The following KIAA1549 variants were observed in gnomAD, a reference collection of about 807,000 sequenced individuals.
The protein encoded by KIAA1549 is UPF0606 protein KIAA1549.
In KIAA1549, 70 loss-of-function variants were observed where a neutral mutation model predicts 156.4. That is an observed-to-expected ratio of 0.45 (90% confidence interval 0.37 to 0.55). The LOEUF is 0.55. Among genes scored for constraint, KIAA1549 ranks in the 20% least tolerant of loss-of-function variants. The pLI is 0.00. For synonymous variants in KIAA1549, 1,103 were observed against 1,066.4 expected, an observed-to-expected ratio of 1.03 and a Z score of -0.67; for missense variants, 2,428 against 2,540.9, an observed-to-expected ratio of 0.96 and a Z score of 0.96.
At chr7:138,920,862 A>G (rs1022196274) in intron 1 of KIAA1549, among the ~76,000 whole-genome samples, 2 of 152,240 alleles carry the variant, frequency 1.3e-5, no homozygotes, top group African/African-American at 4.8e-5. Flanking sequence ...TTCTGTTTCT[A>G]GCAACATGGC....
intron 14 of KIAA1549, 94 bp downstream of exon 14, chr7:138,869,444 C>A (rs1025777418): frequency 7.3e-6 from 7 of 955,964 alleles, no homozygotes; most frequent in East Asian, 5.3e-5. Context: ...TGTCACAGGC[C>A]CTGCAGTAGC....
chr7:138,933,404 A>G (rs1261757234), intron 1 of KIAA1549, among the ~76,000 whole-genome samples: 2 of 152,238 alleles, frequency 1.3e-5, no homozygotes. Flanking sequence ...AAGGTCATAA[A>G]AGGCAAGAAA....
intron 16 of KIAA1549, among the ~76,000 whole-genome samples, chr7:138,860,884 C>T (rs1428238073): frequency 6.6e-6 from 1 of 152,222 alleles, no homozygotes; most frequent in Non-Finnish European, 1.5e-5. Flanking sequence ...CTCCGTTCCT[C>T]CACAAAGCAA....
In KIAA1549 at chr7:138,838,042, G is replaced by T. The variant is rs199760888; in HGVS notation, c.5717C>A (p.Pro1906His). The change falls in exon 20 of 20, where the codon CCT becomes CAT. Residue 1906 changes from proline to histidine, a missense_variant. This residue lies in a region of KIAA1549 where 363 missense variants were observed against 354.0 expected (regional missense o/e 1.03). Coordinates refer to ENST00000422774, the MANE Select transcript of KIAA1549 (RefSeq NM_001164665.2). ...GNLPHRGLQG[P>H]GLGYPTSSTE... is the part of the protein sequence containing the mutation. ...GGAGCTGGTGGGGTAACCCAGCCCAGGGCCCTGCAGTCCCCGGTGGGGGAG... is the reference window on the plus strand; with the variant it reads ...GGAGCTGGTGGGGTAACCCAGCCCATGGCCCTGCAGTCCCCGGTGGGGGAG... 1 of 1,604,140 alleles carries T rather than the reference G, an allele frequency of 6.2e-7. No individual in the cohort carries two copies. Among genetic ancestry groups the T allele is most frequent in the Non-Finnish European group, 8.5e-7 (1 of 1,175,652 alleles).
At chr7:138,840,486 G>A (rs1355003859) in intron 18 of KIAA1549, among the ~76,000 whole-genome samples, 3 of 151,998 alleles carry the variant, frequency 2.0e-5, no homozygotes, top group African/African-American at 7.2e-5. Context: ...GTAAGGAAAT[G>A]CACCACGAAG....
intron 16 of KIAA1549, among the ~76,000 whole-genome samples, chr7:138,855,756 T>C (rs1195663001): frequency 2.0e-5 from 3 of 152,170 alleles, no homozygotes; most frequent in Admixed American, 6.5e-5. Context: ...TAAGAAATAA[T>C]TCCTGTGTCC....
At chr7:138,884,909 T>C (rs1305558574) in intron 10 of KIAA1549, among the ~76,000 whole-genome samples, 1 of 152,218 alleles carries the variant, frequency 6.6e-6, no homozygotes, top group Non-Finnish European at 1.5e-5. Context: ...AATGTTTATG[T>C]GGAGGGCCGG....
chr7:138,924,182 CTTTTT>C (rs1233229501), intron 1 of KIAA1549, among the ~76,000 whole-genome samples: 1 of 92,356 alleles, frequency 1.1e-5, no homozygotes, highest in Non-Finnish European at 2.1e-5. Context: ...CTTTTCTTTT[CTTTTT>C]TTTTTTTCTT....
intron 1 of KIAA1549, among the ~76,000 whole-genome samples, chr7:138,922,669 G>T (rs1812596996): frequency 6.6e-6 from 1 of 151,772 alleles, no homozygotes; most frequent in Admixed American, 6.6e-5. Flanking sequence ...CAGCAATTTA[G>T]ACAGAGCTGA....
chr7:138,850,197 G>T (rs1181778781), intron 17 of KIAA1549, among the ~76,000 whole-genome samples: 1 of 152,044 alleles, frequency 6.6e-6, no homozygotes, highest in Non-Finnish European at 1.5e-5. Context: ...GTGACAGTCT[G>T]GTCTGTGCTG....
rs2130308953 is a variant in KIAA1549, at chr7:138,833,539, G to T, written c.*4367C>A. ...ACAGTCCGCATGCCAGGAAAGATCT[G>T]GCCGGCAAACACCCACTGCTTAAAA... On this transcript the variant is annotated 3_prime_UTR_variant, in exon 20 of 20. Coordinates refer to ENST00000422774, the MANE Select transcript of KIAA1549 (RefSeq NM_001164665.2). 4.3e-6 allele frequency: 1 copy of T among 232,640 alleles called. No individual in the cohort carries two copies. Among genetic ancestry groups the T allele is most frequent in the African/African-American group, 2.2e-5 (1 of 45,412 alleles). 14.4% of individuals were successfully genotyped at this position (232,640 alleles called of 1,614,324 possible).
At position 138,949,031 on chromosome 7, in the gene KIAA1549, A is replaced by G. The variant is rs370999633; in HGVS notation, c.188-29593T>C. ...GGGTTTATACCGTTTTTACGGGGTCATGAGGTTGACAAGGAGCTCATACTA... is the reference window on the plus strand; with the variant it reads ...GGGTTTATACCGTTTTTACGGGGTCGTGAGGTTGACAAGGAGCTCATACTA... On this transcript the variant is annotated intron_variant, in intron 1 of 19. Transcript: ENST00000422774. 1.0e-3 allele frequency among the ~76,000 whole-genome samples: 156 copies of G among 152,274 alleles called. 4 individuals carry two copies. In the South Asian group the frequency reaches 0.031, roughly 30 times the overall value.
chr7:138,947,824 A>G (rs908376615), intron 1 of KIAA1549, among the ~76,000 whole-genome samples: 2 of 151,770 alleles, frequency 1.3e-5, no homozygotes, highest in African/African-American at 4.8e-5. Flanking sequence ...GTACAGTGGC[A>G]CCATCTCGGC....
In KIAA1549 at chr7:138,914,292, G is replaced by C. The variant is rs116404981; in HGVS notation, c.2879-1832C>G. ...TTAGGATATGAGGACACCAGTCTTT[G>C]GGAAAAGGGATCATCAGCAAACAAA... On this transcript the variant is annotated intron_variant, in intron 2 of 19. Coordinates refer to ENST00000422774, the MANE Select transcript of KIAA1549 (RefSeq NM_001164665.2). Among the ~76,000 whole-genome samples the C allele has an allele frequency of 4.7e-3, 722 of 152,258 alleles. 10 individuals carry two copies. Among genetic ancestry groups the C allele is most frequent in the African/African-American group, 0.017 (703 of 41,532 alleles).
intron 16 of KIAA1549, among the ~76,000 whole-genome samples, chr7:138,859,244 T>G (rs531742161): frequency 6.6e-6 from 1 of 152,198 alleles, no homozygotes; most frequent in South Asian, 2.1e-4. Flanking sequence ...AGGGAGCAGT[T>G]CTATTGAATC....
At chr7:138,878,427 A>AT (rs1811148691) in intron 12 of KIAA1549, among the ~76,000 whole-genome samples, 1 of 152,248 alleles carries the variant, frequency 6.6e-6, no homozygotes, top group Non-Finnish European at 1.5e-5. Context: ...ATACAGAGAA[A>AT]TTTATGATTA....
intron 1 of KIAA1549, among the ~76,000 whole-genome samples, chr7:138,920,742 A>T (rs1011840250): frequency 2.6e-5 from 4 of 152,236 alleles, no homozygotes; most frequent in Non-Finnish European, 5.9e-5. Flanking sequence ...ATCAAAATGC[A>T]TAACAACACC....
chr7:138,958,892 T>C (rs1180095112), intron 1 of KIAA1549, among the ~76,000 whole-genome samples: 1 of 151,968 alleles, frequency 6.6e-6, no homozygotes, highest in Non-Finnish European at 1.5e-5. Context: ...GTTTTTTTTT[T>C]GTTTTGTTTA....
chr7:138,889,740 C>T (rs1022895175), intron 10 of KIAA1549, among the ~76,000 whole-genome samples: 9 of 152,202 alleles, frequency 5.9e-5, no homozygotes, highest in Non-Finnish European at 8.8e-5. Flanking sequence ...CTGAGTGAGT[C>T]ATCACCTTCT....
Sources: allele counts gnomAD v4.1 joint callset (sites outside exome capture counted in the v4.1 genomes callset), GRCh38; gene constraint gnomAD v4.1.1; regional missense constraint gnomAD v4.1.1; transcripts MANE v1.5; gene names NCBI Gene and HGNC (gene_info 2026-07-23, HGNC 2026-07-21).